Variants in ZDHHC14 observed in about 807,000 individuals in gnomAD.
ZDHHC14 encodes the protein zDHHC palmitoyltransferase 14.
A neutral mutation model predicts 47.7 loss-of-function variants in ZDHHC14; 16 were observed. The observed-to-expected ratio is 0.34, with a 90% CI of 0.23 to 0.51. ZDHHC14 has a LOEUF of 0.51. ZDHHC14 is among the 20% of genes least tolerant of loss of function. ZDHHC14 has a pLI of 0.97. For missense variants in ZDHHC14, 515 were observed against 662.5 expected, an observed-to-expected ratio of 0.78 and a Z score of 2.44; for synonymous variants, 293 against 278.9, an observed-to-expected ratio of 1.05 and a Z score of -0.50.
rs527745990 is a variant in ZDHHC14, at chr6:157,635,636, A to G, written c.752+2754A>G. Among the ~76,000 whole-genome samples the G allele has an allele frequency of 1.2e-4, 19 of 152,284 alleles. 1 individual carries two copies. The South Asian group carries it at 2.7e-3, about 22-fold the overall frequency. ...AGAGACTCTGCCAGAACCTTCTTTG[A>G]GAGCACACGTCTGCACGCTGCATGG... On this transcript the variant is annotated intron_variant, in intron 5 of 8. Transcript: ENST00000359775.
chr6:157,478,721 C>A (rs1317143809), intron 1 of ZDHHC14, among the ~76,000 whole-genome samples: 2 of 152,302 alleles, frequency 1.3e-5, no homozygotes, highest in Middle Eastern at 3.4e-3. Context: ...ATATCAGCCT[C>A]TAGAAAGTTC....
At chr6:157,384,884 T>A (rs1218264040) in intron 1 of ZDHHC14, among the ~76,000 whole-genome samples, 2 of 152,220 alleles carry the variant, frequency 1.3e-5, no homozygotes, top group East Asian at 3.8e-4. Flanking sequence ...CCTGCCTTCC[T>A]CTAGTTATGT....
chr6:157,531,632 C>G (rs905663056), intron 1 of ZDHHC14, among the ~76,000 whole-genome samples: 2 of 151,304 alleles, frequency 1.3e-5, no homozygotes, highest in East Asian at 3.9e-4. Context: ...TGCCAGGAAG[C>G]GAGGGTCTTG....
rs2114725394 is a variant in ZDHHC14, at chr6:157,381,983, C to T, written c.-39C>T. 4.0e-6 allele frequency: 5 copies of T among 1,235,984 alleles called. No homozygotes were observed. The highest frequency in any genetic ancestry group is 4.5e-5 in the Admixed American group (1 of 22,108). The allele number at this position is 1,235,984 out of a possible 1,614,324, so 76.6% of individuals were successfully genotyped here. On this transcript the variant is annotated 5_prime_UTR_variant, in exon 1 of 9. Transcript: ENST00000359775. ...CGGCGGGGCCCGCGCGGCCGGGGGG[C>T]TCCTGGGGGTGTGCGCCCCCAGCCG...
intron 3 of ZDHHC14, among the ~76,000 whole-genome samples, chr6:157,617,529 A>G (rs192286538): frequency 3.3e-5 from 5 of 152,290 alleles, no homozygotes; most frequent in Non-Finnish European, 7.3e-5. Context: ...TCTTTGCTAC[A>G]AGATCCCAGA....
chr6:157,667,889 T>C (rs2115011413), intron 8 of ZDHHC14, among the ~76,000 whole-genome samples: 1 of 152,336 alleles, frequency 6.6e-6, no homozygotes, highest in African/African-American at 2.4e-5. Flanking sequence ...TTAATGAGAA[T>C]TGTAAATTCC....
At chr6:157,492,749 A>C (rs1429939547) in intron 1 of ZDHHC14, among the ~76,000 whole-genome samples, 1 of 152,184 alleles carries the variant, frequency 6.6e-6, no homozygotes, top group Non-Finnish European at 1.5e-5. Flanking sequence ...CGGGAGGGGA[A>C]GACCAGGAGG....
chr6:157,481,780 T>C (rs1035405684), intron 1 of ZDHHC14, among the ~76,000 whole-genome samples: 1 of 152,226 alleles, frequency 6.6e-6, no homozygotes, highest in East Asian at 1.9e-4. Context: ...GCACCATTCC[T>C]AAAGCTCGAT....
chr6:157,475,210 G>A (rs1307081085), intron 1 of ZDHHC14, among the ~76,000 whole-genome samples: 1 of 152,026 alleles, frequency 6.6e-6, no homozygotes, highest in Non-Finnish European at 1.5e-5. Flanking sequence ...TTGTTTCTGG[G>A]CTCTCTGTTC....
intron 1 of ZDHHC14, among the ~76,000 whole-genome samples, chr6:157,436,869 C>T (rs1467162343): frequency 2.0e-5 from 3 of 152,030 alleles, no homozygotes; most frequent in Non-Finnish European, 4.4e-5. Flanking sequence ...CGAGGCAGGG[C>T]AGTCATCAGG....
intron 1 of ZDHHC14, among the ~76,000 whole-genome samples, chr6:157,523,173 T>C (rs1358653686): frequency 6.6e-6 from 1 of 151,734 alleles, no homozygotes; most frequent in Non-Finnish European, 1.5e-5. Context: ...AATGCTATTC[T>C]TAATTTCCTT....
chr6:157,619,350 C>G (rs1785091383), intron 3 of ZDHHC14, among the ~76,000 whole-genome samples: 1 of 152,132 alleles, frequency 6.6e-6, no homozygotes, highest in Non-Finnish European at 1.5e-5. Flanking sequence ...AAGATTGCAC[C>G]ACTGTACTCC....
intron 2 of ZDHHC14, among the ~76,000 whole-genome samples, chr6:157,584,975 C>T (rs563041236): frequency 6.6e-6 from 1 of 152,146 alleles, no homozygotes; most frequent in Non-Finnish European, 1.5e-5. Flanking sequence ...GAGGCCGAGG[C>T]GGGTGGATCA....
intron 1 of ZDHHC14, among the ~76,000 whole-genome samples, chr6:157,472,917 A>G (rs1340272262): frequency 1.3e-5 from 2 of 152,222 alleles, no homozygotes; most frequent in Admixed American, 6.5e-5. Context: ...GGACTGTGCC[A>G]TATTGTGTTG....
chr6:157,483,906 CAG>C (rs944165956), intron 1 of ZDHHC14, among the ~76,000 whole-genome samples: 1 of 152,076 alleles, frequency 6.6e-6, no homozygotes, highest in Non-Finnish European at 1.5e-5. Flanking sequence ...ACATGCCCAT[CAG>C]GGGTAGACTA....
chr6:157,552,260 G>A (rs1256209935), intron 2 of ZDHHC14, among the ~76,000 whole-genome samples: 2 of 152,136 alleles, frequency 1.3e-5, no homozygotes, highest in African/African-American at 4.8e-5. Flanking sequence ...TCTTTTGAGT[G>A]AGTGAGGGAG....
chr6:157,418,055 C>T (rs1261213257), intron 1 of ZDHHC14, among the ~76,000 whole-genome samples: 1 of 152,146 alleles, frequency 6.6e-6, no homozygotes, highest in East Asian at 1.9e-4. Flanking sequence ...CACTTTCCTC[C>T]TCTGCACTTA....
intron 2 of ZDHHC14, 116 bp from the exon 3 acceptor site, chr6:157,592,872 G>A: frequency 3.3e-6 from 5 of 1,495,892 alleles, no homozygotes; most frequent in East Asian, 2.4e-5. Context: ...TGGGCACCGG[G>A]GGCCCTGCCA....
intron 1 of ZDHHC14, 125 bp downstream of exon 1, chr6:157,382,391 C>A: frequency 8.7e-7 from 1 of 1,153,718 alleles, no homozygotes; most frequent in Non-Finnish European, 1.2e-6. Context: ...TAATGCCAGT[C>A]TGCGCTCCCT....
Sources: gnomAD v4.1 joint callset for allele counts (sites outside exome capture counted in the v4.1 genomes callset) on GRCh38, gnomAD v4.1.1 for gene constraint, MANE v1.5 for transcripts, NCBI Gene and HGNC (gene_info 2026-07-23, HGNC 2026-07-21) for gene names.